The following MALRD1 variants were observed in gnomAD, a reference collection of about 807,000 sequenced individuals.
The protein encoded by MALRD1 is MAM and LDL receptor class A domain containing 1.
In MALRD1, 247 loss-of-function variants were observed where a neutral mutation model predicts 242.1. The observed-to-expected ratio is 1.02, with a 90% CI of 0.92 to 1.13. The LOEUF (loss-of-function observed/expected upper bound fraction) is 1.13. Ranked by LOEUF, MALRD1 falls within the 50% of genes most tolerant of loss-of-function variation. The pLI is 0.00. For synonymous variants in MALRD1, 995 were observed against 866.6 expected (o/e 1.15, Z -2.60); for missense variants, 2,989 against 2,533.1 (o/e 1.18, Z -3.86).
Position 19,088,310 on chromosome 10 carries a change from T to C in MALRD1, c.597+125T>C, listed in dbSNP as rs917698042. ...CAGGGACTGAGGGATTTCCCAGGAC[T>C]TTCAAATGCTGAAAGTGGACATCTC... On this transcript the variant is annotated intron_variant, in intron 4 of 39. Coordinates refer to ENST00000454679, the MANE Select transcript of MALRD1 (RefSeq NM_001142308.3). The C allele has an allele frequency of 5.8e-6, 5 of 855,570 alleles. No individual in the cohort carries two copies. The East Asian group carries it at 1.7e-4, about 29-fold the overall frequency. 53.0% of individuals were successfully genotyped at this position (855,570 alleles called of 1,614,324 possible). A position where few individuals can be genotyped will look rare whatever the true frequency, so the allele number is the denominator to read the frequency against.
intron 17 of MALRD1, among the ~76,000 whole-genome samples, chr10:19,208,722 C>A (rs544681912): frequency 6.6e-6 from 1 of 152,148 alleles, no homozygotes; most frequent in African/African-American, 2.4e-5. Context: ...TTACCGTGAG[C>A]CCCAGGTGAT....
intron 35 of MALRD1, among the ~76,000 whole-genome samples, chr10:19,612,419 C>T (rs182913881): frequency 6.6e-6 from 1 of 151,892 alleles, no homozygotes; most frequent in East Asian, 2.0e-4. Flanking sequence ...CCCGGGAAAA[C>T]AAATTGCTGA....
chr10:19,239,447 T>C (rs1267182381), intron 18 of MALRD1, among the ~76,000 whole-genome samples: 1 of 152,174 alleles, frequency 6.6e-6, no homozygotes, highest in Admixed American at 6.5e-5. Flanking sequence ...ATTCTGTAAG[T>C]TGTCTTTTCA....
intron 34 of MALRD1, among the ~76,000 whole-genome samples, chr10:19,603,043 GT>G (rs911680336): frequency 5.3e-5 from 8 of 151,620 alleles, no homozygotes; most frequent in African/African-American, 1.7e-4. Flanking sequence ...TGATGGGGTT[GT>G]TTTTTTTCTT....
intron 29 of MALRD1, among the ~76,000 whole-genome samples, chr10:19,463,459 C>T (rs1836048500): frequency 6.6e-6 from 1 of 152,040 alleles, no homozygotes; most frequent in Admixed American, 6.6e-5. Flanking sequence ...GGTTTCCATT[C>T]CCAAGTTAGT....
At chr10:19,466,323 G>A (rs901142768) in intron 29 of MALRD1, among the ~76,000 whole-genome samples, 1 of 151,736 alleles carries the variant, frequency 6.6e-6, no homozygotes, top group Non-Finnish European at 1.5e-5. Flanking sequence ...TTTCCAATTT[G>A]TTTAATTTAG....
At chr10:19,135,386 C>T (rs1833298083) in intron 9 of MALRD1, among the ~76,000 whole-genome samples, 1 of 152,166 alleles carries the variant, frequency 6.6e-6, no homozygotes, top group African/African-American at 2.4e-5. Context: ...AACTCCTGAC[C>T]TCAAGTGATC....
rs560630353 is a variant in MALRD1, at chr10:19,537,696, C to A, written c.5478+6345C>A. Among the ~76,000 whole-genome samples, 271 of 152,262 alleles carry A rather than the reference C, an allele frequency of 1.8e-3. 1 individual carries two copies. Among genetic ancestry groups the A allele is most frequent in the African/African-American group, 6.3e-3 (262 of 41,542 alleles). On this transcript the variant is annotated intron_variant, in intron 32 of 39. Coordinates refer to ENST00000454679, the MANE Select transcript of MALRD1 (RefSeq NM_001142308.3). Reference sequence around the variant, plus strand: ...ATATCACAGATGGAAAGTTTCATAGCTACCTGTGTTGTTTGTTTTCTGTCA... The same window carrying A: ...ATATCACAGATGGAAAGTTTCATAGATACCTGTGTTGTTTGTTTTCTGTCA...
chr10:19,197,628 G>A (rs1175335902), intron 14 of MALRD1, among the ~76,000 whole-genome samples: 1 of 152,116 alleles, frequency 6.6e-6, no homozygotes, highest in East Asian at 1.9e-4. Context: ...TCCACAACTT[G>A]CTTCCTCACC....
At chr10:19,282,933 C>A in intron 20 of MALRD1, 86 bp from the exon 21 acceptor site, 1 of 931,572 alleles carries the variant, frequency 1.1e-6, no homozygotes, top group Non-Finnish European at 1.4e-6. Flanking sequence ...GAATTAAAAA[C>A]AAGAGTAAGA....
At position 19,449,495 on chromosome 10, in the gene MALRD1, T is replaced by G. The variant is rs147686281; in HGVS notation, c.4846-812T>G. Among the ~76,000 whole-genome samples the G allele has an allele frequency of 3.2e-3, 482 of 152,290 alleles. 3 individuals are homozygous for G. Among genetic ancestry groups the G allele is most frequent in the African/African-American group, 0.011 (451 of 41,540 alleles). ...TTGCGAATTCTGCTAGTTTTTATTT[T>G]GGGAAATATTTTAGTAGATTAATAT... On this transcript the variant is annotated intron_variant, in intron 28 of 39. Transcript: ENST00000454679.
At chr10:19,082,657 TA>T (rs35071671) in intron 2 of MALRD1, among the ~76,000 whole-genome samples, 80,736 of 151,280 alleles carry the variant, frequency 0.53, 21,679 homozygotes, top group Middle Eastern at 0.59. Flanking sequence ...TTTCTCACTT[TA>T]AAAAAAAACC....
intron 4 of MALRD1, among the ~76,000 whole-genome samples, chr10:19,102,446 A>T (rs1836300344): frequency 6.6e-6 from 1 of 152,138 alleles, no homozygotes; most frequent in Non-Finnish European, 1.5e-5. Context: ...TAATAGAGTG[A>T]TAGGTAGCAT....
rs529970317 is a variant in MALRD1 at position 19,125,639 on chromosome 10, A to C, written c.943+969A>C. Among the ~76,000 whole-genome samples the C allele has an allele frequency of 3.3e-5, 5 of 150,396 alleles. No homozygotes were observed. In the South Asian group the frequency reaches 1.0e-3, roughly 31 times the overall value. ...ATTTATATAGCCTATTGTTATGACT[A>C]TTCTTAATTTTTAGGGTATATTCTT... On this transcript the variant is annotated intron_variant, in intron 7 of 39. Coordinates refer to ENST00000454679, the MANE Select transcript of MALRD1 (RefSeq NM_001142308.3).
chr10:19,550,613 G>C (rs1201344324), intron 32 of MALRD1, among the ~76,000 whole-genome samples: 1 of 152,044 alleles, frequency 6.6e-6, no homozygotes, highest in Non-Finnish European at 1.5e-5. Context: ...TTCTGTTCCA[G>C]CATTAGTTTC....
chr10:19,259,198 G>A (rs1034899829), intron 19 of MALRD1, among the ~76,000 whole-genome samples: 1 of 152,076 alleles, frequency 6.6e-6, no homozygotes, highest in African/African-American at 2.4e-5. Context: ...ACTAATGATA[G>A]CTTCCAAGGA....
intron 29 of MALRD1, among the ~76,000 whole-genome samples, chr10:19,467,169 T>C (rs972551589): frequency 2.3e-4 from 35 of 151,854 alleles, no homozygotes; most frequent in African/African-American, 8.4e-4. Context: ...TGTGGCTAAC[T>C]TGGTGAAATC....
rs138287973 is a variant in MALRD1 at position 19,385,524 on chromosome 10, G to C, written c.4442-2004G>C. The stretch of plus-strand genomic sequence containing the variant: ...ATTTATCCAAGTTATTCAATTCTTG[G>C]TGTATAATTGTTCATAGAAGTCTCA... On this transcript the variant is annotated intron_variant, in intron 26 of 39. Transcript: ENST00000454679. 2.7e-3 allele frequency among the ~76,000 whole-genome samples: 408 copies of C among 152,042 alleles called. 4 individuals are homozygous for C. Among genetic ancestry groups the C allele is most frequent in the African/African-American group, 9.4e-3 (390 of 41,514 alleles).
At chr10:19,455,881 C>G (rs1835621644) in intron 29 of MALRD1, among the ~76,000 whole-genome samples, 1 of 152,068 alleles carries the variant, frequency 6.6e-6, no homozygotes. Flanking sequence ...TTCTTTTTCC[C>G]TTTTCAGTGC....
Sources: allele counts gnomAD v4.1 joint callset (sites outside exome capture counted in the v4.1 genomes callset), GRCh38; gene constraint gnomAD v4.1.1; transcripts MANE v1.5; gene names NCBI Gene and HGNC (gene_info 2026-07-23, HGNC 2026-07-21).